The following CCDC148 variants were observed in gnomAD, a reference collection of about 807,000 sequenced individuals.
CCDC148 encodes coiled-coil domain containing 148.
Under a neutral mutation model 85.7 loss-of-function variants are expected in CCDC148, and 89 were observed. The observed-to-expected ratio is 1.04, with a 90% CI of 0.87 to 1.24. The LOEUF is 1.24. Among genes scored for constraint, CCDC148 ranks in the 50% most tolerant of loss-of-function variants. CCDC148 has a pLI of 0.00. For missense variants in CCDC148, 692 were observed against 671.7 expected (o/e 1.03, Z -0.33); for synonymous variants, 230 against 213.9 (o/e 1.08, Z -0.66).
At chr2:158,314,223 ATAAT>A (rs1370540761) in intron 7 of CCDC148, among the ~76,000 whole-genome samples, 2 of 152,242 alleles carry the variant, frequency 1.3e-5, no homozygotes, top group Non-Finnish European at 2.9e-5. Context: ...ACATTGGAAA[ATAAT>A]TATATATACA....
intron 1 of CCDC148, among the ~76,000 whole-genome samples, chr2:158,387,915 T>C (rs79560306): frequency 0.18 from 26,913 of 152,088 alleles, 3,099 homozygotes; most frequent in Middle Eastern, 0.26. Context: ...TGCCCTCCTT[T>C]CCCCTTTTTG....
chr2:158,442,558 C>T (rs1687979866), intron 1 of CCDC148, among the ~76,000 whole-genome samples: 1 of 152,200 alleles, frequency 6.6e-6, no homozygotes, highest in African/African-American at 2.4e-5. Context: ...CAGTCTTCCT[C>T]TTCTCATCAG....
intron 5 of CCDC148, among the ~76,000 whole-genome samples, chr2:158,339,775 T>C (rs926628556): frequency 5.9e-5 from 9 of 152,114 alleles, no homozygotes; most frequent in African/African-American, 1.7e-4. Context: ...CCTGGCATGT[T>C]GGAGAAACAG....
At position 158,180,352 on chromosome 2, in the gene CCDC148, G is replaced by A. The variant is rs114056985; in HGVS notation, c.1371-1356C>T. Among the ~76,000 whole-genome samples, 1,345 of 152,186 alleles carry A rather than the reference G, an allele frequency of 8.8e-3. 10 individuals are homozygous for A. Among genetic ancestry groups the A allele is most frequent in the Middle Eastern group, 0.014 (4 of 294 alleles). ...TGCCATTTTTTAATTCCATTTTATG[G>A]ATATAAAGAAATAGAAGCATAGACA... On this transcript the variant is annotated intron_variant, in intron 11 of 13. Coordinates refer to ENST00000283233, the MANE Select transcript of CCDC148 (RefSeq NM_138803.4).
At chr2:158,427,939 G>A (rs1687153385) in intron 1 of CCDC148, among the ~76,000 whole-genome samples, 1 of 152,224 alleles carries the variant, frequency 6.6e-6, no homozygotes, top group Admixed American at 6.5e-5. Context: ...ACACAGTCAA[G>A]ATCATTGCGG....
chr2:158,345,117 T>C (rs1312809965), intron 3 of CCDC148, 98 bp downstream of exon 3: 4 of 753,034 alleles, frequency 5.3e-6, no homozygotes, highest in Non-Finnish European at 8.2e-6. Context: ...ATTTTTATTA[T>C]AATGGTTAAT....
intron 1 of CCDC148, among the ~76,000 whole-genome samples, chr2:158,364,660 T>TG (rs1684119618): frequency 6.6e-6 from 1 of 152,202 alleles, no homozygotes; most frequent in Non-Finnish European, 1.5e-5. Context: ...GAAAAATTAA[T>TG]TCAAGATGGA....
chr2:158,451,697 G>T (rs6744011), intron 1 of CCDC148, among the ~76,000 whole-genome samples: 6,274 of 151,716 alleles, frequency 0.041, 457 homozygotes, highest in African/African-American at 0.14. Flanking sequence ...GAGAGTAGGG[G>T]ATAGAGACAC....
intron 9 of CCDC148, among the ~76,000 whole-genome samples, chr2:158,257,582 T>G (rs527800733): frequency 6.6e-6 from 1 of 151,968 alleles, no homozygotes; most frequent in African/African-American, 2.4e-5. Flanking sequence ...GCAGAAAAAT[T>G]TTGTCTTTAT....
intron 11 of CCDC148, among the ~76,000 whole-genome samples, chr2:158,209,546 TG>T (rs1686441912): frequency 6.6e-6 from 1 of 152,094 alleles, no homozygotes; most frequent in South Asian, 2.1e-4. Context: ...TGCATATAGG[TG>T]TAAAGGTTGC....
Position 158,425,272 on chromosome 2 carries a change from G to A in CCDC148, c.25+31143C>T, listed in dbSNP as rs1399788183. 5.6e-6 allele frequency: 3 copies of A among 537,132 alleles called. No individual in the cohort carries two copies. In the Admixed American group the frequency reaches 5.8e-5, roughly 10 times the overall value. The allele number at this position is 537,132 out of a possible 1,614,324, so 33.3% of individuals were successfully genotyped here. On this transcript the variant is annotated intron_variant, in intron 1 of 13. Transcript: ENST00000283233. ...ACTTATGGCAAGGCATCTCCAGGGG[G>A]TCGCAATCACCAAAACAATCACCAG... is the stretch of plus-strand genomic sequence containing the variant.
chr2:158,186,705 A>G (rs954237489), intron 11 of CCDC148, among the ~76,000 whole-genome samples: 3 of 151,766 alleles, frequency 2.0e-5, no homozygotes, highest in African/African-American at 7.3e-5. Context: ...GAAGCCATAC[A>G]TTCTGTCTCC....
At chr2:158,353,562 C>T (rs1683445610) in intron 2 of CCDC148, among the ~76,000 whole-genome samples, 1 of 151,832 alleles carries the variant, frequency 6.6e-6, no homozygotes, top group Admixed American at 6.6e-5. Context: ...TATAGGTGCA[C>T]CAAGATTCAT....
chr2:158,444,789 A>G (rs1375808176), intron 1 of CCDC148, among the ~76,000 whole-genome samples: 1 of 146,788 alleles, frequency 6.8e-6, no homozygotes, highest in Admixed American at 6.7e-5. Context: ...TGTCTTGAAA[A>G]AAAAAAAAAA....
intron 1 of CCDC148, among the ~76,000 whole-genome samples, chr2:158,412,869 TAC>T (rs1220966921): frequency 7.9e-5 from 11 of 138,814 alleles, no homozygotes; most frequent in African/African-American, 2.9e-4. Context: ...ATTATTATTA[TAC>T]TTTAAGTTTT....
intron 2 of CCDC148, among the ~76,000 whole-genome samples, chr2:158,353,908 T>C (rs1683472104): frequency 6.6e-6 from 1 of 152,254 alleles, no homozygotes; most frequent in East Asian, 1.9e-4. Flanking sequence ...AAACTGGAAC[T>C]CAGGATTAAG....
chr2:158,310,419 T>C (rs1398665229), intron 8 of CCDC148, among the ~76,000 whole-genome samples: 1 of 152,360 alleles, frequency 6.6e-6, no homozygotes, highest in East Asian at 1.9e-4. Flanking sequence ...TCATGGCCCG[T>C]TCTCAATGAG....
At chr2:158,234,538 A>G (rs1688009582) in intron 10 of CCDC148, among the ~76,000 whole-genome samples, 1 of 152,220 alleles carries the variant, frequency 6.6e-6, no homozygotes. Flanking sequence ...CTTAAGAATT[A>G]AGAAATAAAC....
intron 9 of CCDC148, among the ~76,000 whole-genome samples, chr2:158,260,613 A>C (rs1333998191): frequency 1.3e-5 from 2 of 152,058 alleles, no homozygotes; most frequent in Non-Finnish European, 2.9e-5. Flanking sequence ...TATCTATAAA[A>C]ACCCATAGTC....
Sources: allele counts gnomAD v4.1 joint callset (sites outside exome capture counted in the v4.1 genomes callset), GRCh38; gene constraint gnomAD v4.1.1; transcripts MANE v1.5; gene names NCBI Gene and HGNC (gene_info 2026-07-23, HGNC 2026-07-21).